Variants in UXT observed in about 807,000 individuals in gnomAD.
UXT encodes the protein ubiquitously expressed prefoldin like chaperone.
For missense variants in UXT, 111 were observed against 132.7 expected (o/e 0.84, Z 0.80); for synonymous variants, 54 against 52.8 (o/e 1.02, Z -0.10).
chrX:47,652,203 C>T (rs2058069728), intron 4 of UXT, 59 bp from the exon 6 acceptor site: 1 of 1,024,411 alleles, frequency 9.8e-7, no homozygotes, highest in African/African-American at 1.9e-5. Context: ...ATGACCCTTC[C>T]TTATCACTTC....
intron 1 of UXT, among the ~76,000 whole-genome samples, chrX:47,658,377 T>C (rs766675389): frequency 2.7e-5 from 3 of 111,881 alleles, no homozygotes; most frequent in Non-Finnish European, 5.6e-5. Flanking sequence ...TTCATACTCA[T>C]TGAACCTCTA....
At chrX:47,658,683 G>C in intron 1 of UXT, 147 bp downstream of exon 2, 1 of 845,063 alleles carries the variant, frequency 1.2e-6, no homozygotes, top group African/African-American at 2.1e-5. Context: ...CTGCACCCCG[G>C]ATGTCGTCCC....
rs767457263 is a variant in UXT, at chrX:47,659,106, G to C, written c.-143C>G. On this transcript the variant is annotated 5_prime_UTR_variant, in exon 1 of 6. Coordinates refer to ENST00000335890, the MANE Select transcript of UXT (RefSeq NM_153477.3). ...CGACCACCCAGGGACACCCAAGCGCGGCCTTTACCTCAGGCCGCCAGCAAT... is the reference window on the plus strand; with the variant it reads ...CGACCACCCAGGGACACCCAAGCGCCGCCTTTACCTCAGGCCGCCAGCAAT... 8.6e-6 allele frequency: 8 copies of C among 932,764 alleles called. No individual in the cohort carries two copies. Among genetic ancestry groups the C allele is most frequent in the Admixed American group, 7.6e-5 (3 of 39,363 alleles). 76.9% of individuals were successfully genotyped at this position (932,764 alleles called of 1,213,427 possible).
Position 47,659,169 on chromosome X carries a change from C to T in UXT, c.-206G>A, listed in dbSNP as rs1459498338. ...TAGGAACCGCGGCTTCCGGGTGGCGCGGGTGAATGACGTAAGTGGCAAGCG... is the reference window on the plus strand; with the variant it reads ...TAGGAACCGCGGCTTCCGGGTGGCGTGGGTGAATGACGTAAGTGGCAAGCG... On this transcript the variant is annotated 5_prime_UTR_variant, in exon 1 of 6. Coordinates refer to ENST00000335890, the MANE Select transcript of UXT (RefSeq NM_153477.3). 9 of 573,421 alleles carry T rather than the reference C, an allele frequency of 1.6e-5. No individual in the cohort carries two copies. The highest frequency in any genetic ancestry group is 2.7e-5 in the Admixed American group (1 of 37,235). The allele number at this position is 573,421 out of a possible 1,213,427, so 47.3% of individuals were successfully genotyped here.
intron 4 of UXT, among the ~76,000 whole-genome samples, chrX:47,654,545 G>C (rs1339727312): frequency 9.0e-6 from 1 of 111,310 alleles, no homozygotes; most frequent in Non-Finnish European, 1.9e-5. Context: ...CTATTCATGA[G>C]ATGTGGATGT....
intron 4 of UXT, among the ~76,000 whole-genome samples, chrX:47,654,961 A>T (rs1301079402): frequency 1.8e-5 from 2 of 112,298 alleles, no homozygotes; most frequent in African/African-American, 3.2e-5. Context: ...GAATCCTGTG[A>T]CATAACAAGG....
chrX:47,654,112 A>G (rs1214538902), intron 4 of UXT: 2 of 747,922 alleles, frequency 2.7e-6, no homozygotes, highest in African/African-American at 2.3e-5. Context: ...CAAAAGGGAT[A>G]TGTTTATTAC....
chrX:47,657,779 T>C lies in UXT; in HGVS notation c.216+3A>G, dbSNP rs1249257258. The stretch of plus-strand genomic sequence containing the variant: ...AAATGGTACCCAATCCCATAGTCTT[T>C]ACCTGGAGTCGCTCAATGACATTTC... On this transcript the variant is annotated splice_donor_region_variant and intron_variant, in intron 2 of 5. Coordinates refer to ENST00000335890, the MANE Select transcript of UXT (RefSeq NM_153477.3). 16 of 1,190,728 alleles carry C rather than the reference T, an allele frequency of 1.3e-5. No individual in the cohort carries two copies. The highest frequency in any genetic ancestry group is 1.8e-5 in the Non-Finnish European group (16 of 885,885).
chrX:47,652,382 T>A (rs2058070503), intron 4 of UXT, among the ~76,000 whole-genome samples: 1 of 112,276 alleles, frequency 8.9e-6, no homozygotes, highest in Non-Finnish European at 1.9e-5. Flanking sequence ...ACTCCCGGCC[T>A]GATGGACTTC....
chrX:47,657,616 A>G lies in UXT; in HGVS notation c.240T>C (p.Tyr80=), dbSNP rs778121767. ...AGTTACAGCCCAAATCCACCTGCAT[A>G]TATAACTCCGAGTGCTTAGCTTCCT... Residue 80 remains tyrosine, a synonymous_variant, in exon 3 of 6, where the codon TAT becomes TAC. Transcript: ENST00000335890. 1.4e-5 allele frequency: 17 copies of G among 1,208,243 alleles called. No individual in the cohort carries two copies. Among genetic ancestry groups the G allele is most frequent in the East Asian group, 8.9e-5 (3 of 33,758 alleles).
intron 4 of UXT, 37 bp downstream of exon 5, chrX:47,657,146 G>C (rs753280695): frequency 9.4e-7 from 1 of 1,066,714 alleles, no homozygotes; most frequent in Non-Finnish European, 1.3e-6. Context: ...TGGAAATGGT[G>C]GTGTTTTTAC....
rs760269380 is a variant in UXT, at chrX:47,659,079, C to T, written c.-116G>A. 1 of 1,096,280 alleles carries T rather than the reference C, an allele frequency of 9.1e-7. No homozygotes were observed. Among genetic ancestry groups the T allele is most frequent in the East Asian group, 3.2e-5 (1 of 31,580 alleles). 90.3% of individuals were successfully genotyped at this position (1,096,280 alleles called of 1,213,427 possible). On this transcript the variant is annotated 5_prime_UTR_variant, in exon 1 of 6. Transcript: ENST00000335890. Reference sequence around the variant, plus strand: ...CCTTCCGCCCCTCCCAACTCGGGGACCCGACCACCCAGGGACACCCAAGCG... The same window carrying T: ...CCTTCCGCCCCTCCCAACTCGGGGATCCGACCACCCAGGGACACCCAAGCG...
At chrX:47,655,565 C>T (rs1477190940) in intron 4 of UXT, among the ~76,000 whole-genome samples, 1 of 112,408 alleles carries the variant, frequency 8.9e-6, no homozygotes, top group East Asian at 2.8e-4. Flanking sequence ...AAGTTTAAAT[C>T]AATGGTACTC....
rs545957266 is a variant in UXT at position 47,656,202 on chromosome X, G to A, written c.392+981C>T. ...AACACAAAGCCGGGTACAGCAGTGC[G>A]CCTGTAGTCCCAGTTACTTGGCAGG... is the stretch of plus-strand genomic sequence containing the variant. On this transcript the variant is annotated intron_variant, in intron 4 of 5. Coordinates refer to ENST00000335890, the MANE Select transcript of UXT (RefSeq NM_153477.3). 1.3e-4 allele frequency among the ~76,000 whole-genome samples: 15 copies of A among 111,870 alleles called. No homozygotes were observed. In the South Asian group the frequency reaches 5.6e-3, roughly 42 times the overall value.
rs757053303 is a variant in UXT at position 47,657,969 on chromosome X, G to A, written c.135-106C>T. Reference sequence around the variant, plus strand: ...TCTCATGTCACCATACACTGAAAAGGCTTTTTAGTGCATAAGTTAATTTTC... The same window carrying A: ...TCTCATGTCACCATACACTGAAAAGACTTTTTAGTGCATAAGTTAATTTTC... On this transcript the variant is annotated intron_variant, in intron 1 of 5. Coordinates refer to ENST00000335890, the MANE Select transcript of UXT (RefSeq NM_153477.3). 9.9e-6 allele frequency: 6 copies of A among 604,548 alleles called. No homozygotes were observed. The Admixed American group carries it at 3.0e-4, about 31-fold the overall frequency. The allele number at this position is 604,548 out of a possible 1,213,427, so 49.8% of individuals were successfully genotyped here. A position where few individuals can be genotyped will look rare whatever the true frequency, so the allele number is the denominator to read the frequency against.
chrX:47,659,140 T>C lies in UXT; in HGVS notation c.-177A>G, dbSNP rs1418280169. ...CTCAGGCCGCCAGCAATAAGAACGG[T>C]TGGTAGGAACCGCGGCTTCCGGGTG... On this transcript the variant is annotated 5_prime_UTR_variant, in exon 1 of 6. Transcript: ENST00000335890. The C allele has an allele frequency of 8.3e-6, 6 of 722,806 alleles. No individual in the cohort carries two copies. Among genetic ancestry groups the C allele is most frequent in the Non-Finnish European group, 1.3e-5 (6 of 478,746 alleles). 59.6% of individuals were successfully genotyped at this position (722,806 alleles called of 1,213,427 possible).
At chrX:47,652,215 A>G (rs998498716) in intron 4 of UXT, 71 bp from the exon 6 acceptor site, 3 of 954,845 alleles carry the variant, frequency 3.1e-6, no homozygotes, top group Non-Finnish European at 4.4e-6. Flanking sequence ...TATCACTTCA[A>G]GATCTACTTA....
intron 4 of UXT, among the ~76,000 whole-genome samples, chrX:47,653,752 C>T (rs2058075290): frequency 9.0e-6 from 1 of 111,424 alleles, no homozygotes; most frequent in Admixed American, 9.5e-5. Flanking sequence ...CCTGCTCTAT[C>T]CCCAGGGACC....
Position 47,659,042 on chromosome X carries a change from C to T in UXT, c.-79G>A, listed in dbSNP as rs769744831. On this transcript the variant is annotated 5_prime_UTR_variant, in exon 1 of 6. Coordinates refer to ENST00000335890, the MANE Select transcript of UXT (RefSeq NM_153477.3). Reference sequence around the variant, plus strand: ...TGGGAATCGGCTTGTCCGGCTCAAGCTGGAGGTTCAGCCTTCCGCCCCTCC... The same window carrying T: ...TGGGAATCGGCTTGTCCGGCTCAAGTTGGAGGTTCAGCCTTCCGCCCCTCC... The T allele has an allele frequency of 5.0e-6, 6 of 1,193,250 alleles. No homozygotes were observed. Among genetic ancestry groups the T allele is most frequent in the Non-Finnish European group, 6.8e-6 (6 of 882,484 alleles).
Sources: gnomAD v4.1 joint callset for allele counts (sites outside exome capture counted in the v4.1 genomes callset) on GRCh38, gnomAD v4.1.1 for gene constraint, MANE v1.5 for transcripts, NCBI Gene and HGNC (gene_info 2026-07-23, HGNC 2026-07-21) for gene names.